FGF13: variants seen among roughly 807,000 people sequenced by gnomAD.
FGF13 encodes the protein fibroblast growth factor homologous factor 2.
A neutral mutation model predicts 19.5 loss-of-function variants in FGF13; 2 were observed. That is an observed-to-expected ratio of 0.10 (90% CI 0.04 to 0.32). FGF13 has a LOEUF of 0.32. Among genes scored for constraint, FGF13 ranks in the 10% least tolerant of loss-of-function variants. The pLI is 1.00. For synonymous variants in FGF13, 72 were observed against 76.9 expected (o/e 0.94, Z 0.33); for missense variants, 113 against 192.7 (o/e 0.59, Z 2.45).
intron 1 of FGF13, among the ~76,000 whole-genome samples, chrX:139,179,476 G>A (rs1429342442): frequency 9.2e-6 from 1 of 108,758 alleles, no homozygotes; most frequent in Non-Finnish European, 1.9e-5. Flanking sequence ...ACATGCAGAG[G>A]AATTGGATTC....
intron 3 of FGF13, among the ~76,000 whole-genome samples, chrX:138,802,821 C>A (rs772598798): frequency 9.0e-6 from 1 of 111,419 alleles, no homozygotes; most frequent in African/African-American, 3.3e-5. Flanking sequence ...TTATGTATTA[C>A]TCACTCCATT....
intron 1 of FGF13, among the ~76,000 whole-genome samples, chrX:138,945,362 G>A (rs1169878245): frequency 9.0e-6 from 1 of 111,333 alleles, no homozygotes; most frequent in African/African-American, 3.3e-5. Flanking sequence ...CTCAAGCACA[G>A]TTGCTGTCCT....
At chrX:139,013,151 C>A (rs2092136815) in intron 1 of FGF13, among the ~76,000 whole-genome samples, 1 of 110,850 alleles carries the variant, frequency 9.0e-6, no homozygotes, top group Non-Finnish European at 1.9e-5. Flanking sequence ...AATAACACCT[C>A]ACTCCTGCAA....
rs1018496490 is a variant in FGF13 at position 138,971,891 on chromosome X, C to T, written c.-112-107241G>A. 5.4e-5 allele frequency among the ~76,000 whole-genome samples: 6 copies of T among 111,884 alleles called. No homozygotes were observed. The East Asian group carries it at 1.1e-3, about 21-fold the overall frequency. ...CCAAGTCTTGGTAACCACTGTTGTA[C>T]TCTCTACTTCTATGAGATCAATTTT... On this transcript the variant is annotated intron_variant, in intron 1 of 2. Transcript: ENST00000421460.
intron 1 of FGF13, among the ~76,000 whole-genome samples, chrX:138,974,109 C>A (rs2091930372): frequency 9.0e-6 from 1 of 111,669 alleles, no homozygotes; most frequent in Non-Finnish European, 1.9e-5. Flanking sequence ...TTGGACTTCC[C>A]AGCACAGAAA....
intron 1 of FGF13, among the ~76,000 whole-genome samples, chrX:139,177,475 T>A (rs955405298): frequency 9.0e-6 from 1 of 111,480 alleles, no homozygotes; most frequent in Non-Finnish European, 1.9e-5. Flanking sequence ...TGATACTAAC[T>A]GGTTATTCTG....
chrX:138,976,184 A>C (rs1274771899), intron 1 of FGF13, among the ~76,000 whole-genome samples: 1 of 111,632 alleles, frequency 9.0e-6, no homozygotes, highest in African/African-American at 3.3e-5. Flanking sequence ...CCTTTCAAAT[A>C]AATCATTGTT....
At chrX:138,980,620 G>C (rs1192006043) in intron 1 of FGF13, among the ~76,000 whole-genome samples, 1 of 108,313 alleles carries the variant, frequency 9.2e-6, no homozygotes, top group Non-Finnish European at 1.9e-5. Flanking sequence ...ATAATCTTCA[G>C]AGAATACAGA....
At chrX:138,737,752 G>A (rs1387278361) in intron 1 of FGF13, among the ~76,000 whole-genome samples, 1 of 111,627 alleles carries the variant, frequency 9.0e-6, no homozygotes, top group Non-Finnish European at 1.9e-5. Context: ...TTTACAAGCA[G>A]AGTGATGAGT....
intron 1 of FGF13, among the ~76,000 whole-genome samples, chrX:138,725,706 A>G (rs1268954844): frequency 9.0e-6 from 1 of 110,823 alleles, no homozygotes; most frequent in Non-Finnish European, 1.9e-5. Context: ...AATATAATGG[A>G]TTTTTTCCTA....
chrX:138,988,427 T>C (rs1046810216), intron 1 of FGF13, among the ~76,000 whole-genome samples: 2 of 112,485 alleles, frequency 1.8e-5, no homozygotes, highest in Non-Finnish European at 3.8e-5. Context: ...TGATGAGCTA[T>C]TATCATAGGC....
intron 1 of FGF13, among the ~76,000 whole-genome samples, chrX:139,010,980 T>C (rs1374267078): frequency 9.0e-6 from 1 of 111,268 alleles, no homozygotes; most frequent in African/African-American, 3.3e-5. Flanking sequence ...ATATTACCAC[T>C]GATACCAAGG....
intron 1 of FGF13, among the ~76,000 whole-genome samples, chrX:139,145,066 T>C (rs1261685044): frequency 8.9e-6 from 1 of 112,202 alleles, no homozygotes; most frequent in Non-Finnish European, 1.9e-5. Flanking sequence ...TTTTGTATTT[T>C]TGCAAATCTC....
chrX:138,898,279 A>C (rs1283170905), intron 1 of FGF13, among the ~76,000 whole-genome samples: 1 of 112,119 alleles, frequency 8.9e-6, no homozygotes, highest in Admixed American at 9.5e-5. Context: ...AGCACTACCT[A>C]TATTATTTAC....
At chrX:138,751,904 ACCC>A (rs1451964859) in intron 3 of FGF13, among the ~76,000 whole-genome samples, 1 of 111,145 alleles carries the variant, frequency 9.0e-6, no homozygotes, top group Non-Finnish European at 1.9e-5. Flanking sequence ...CCTCACAACA[ACCC>A]CCCAACACAG....
At chrX:138,911,520 T>G (rs1018913027) in intron 1 of FGF13, among the ~76,000 whole-genome samples, 1 of 110,646 alleles carries the variant, frequency 9.0e-6, no homozygotes, top group African/African-American at 3.3e-5. Flanking sequence ...GATACTAGGC[T>G]TAATACCTGA....
At chrX:139,046,361 T>A (rs1274937875) in intron 1 of FGF13, among the ~76,000 whole-genome samples, 1 of 111,304 alleles carries the variant, frequency 9.0e-6, no homozygotes, top group Non-Finnish European at 1.9e-5. Flanking sequence ...CCTCCATCAT[T>A]GGGGATTATA....
intron 1 of FGF13, among the ~76,000 whole-genome samples, chrX:138,943,001 G>A (rs2091766042): frequency 8.9e-6 from 1 of 112,149 alleles, no homozygotes; most frequent in African/African-American, 3.2e-5. Flanking sequence ...CTTTGCTCAT[G>A]TAATTTATAT....
intron 1 of FGF13, among the ~76,000 whole-genome samples, chrX:139,038,600 A>G (rs1569445441): frequency 9.0e-6 from 1 of 111,585 alleles, no homozygotes; most frequent in Non-Finnish European, 1.9e-5. Flanking sequence ...CCACTTCAGG[A>G]TCTTTCTATA....
Sources: gnomAD v4.1 joint callset for allele counts (sites outside exome capture counted in the v4.1 genomes callset) on GRCh38, gnomAD v4.1.1 for gene constraint, MANE v1.5 for transcripts, NCBI Gene and HGNC (gene_info 2026-07-23, HGNC 2026-07-21) for gene names.